Variants in DNAJC1 observed in about 807,000 individuals in gnomAD.
DNAJC1 encodes the protein DnaJ heat shock protein family (Hsp40) member C1.
DNAJC1 carries 58 observed loss-of-function variants against 76.6 expected under a neutral mutation model. That is an observed-to-expected ratio of 0.76 (90% CI 0.61 to 0.94). DNAJC1 has a LOEUF of 0.94. DNAJC1 is among the 40% of genes least tolerant of loss of function. The pLI, the probability that DNAJC1 is intolerant of heterozygous loss-of-function variation, is 0.00. For synonymous variants in DNAJC1, 258 were observed against 267.9 expected, an observed-to-expected ratio of 0.96 and a Z score of 0.36; for missense variants, 689 against 677.3, an observed-to-expected ratio of 1.02 and a Z score of -0.19.
intron 8 of DNAJC1, among the ~76,000 whole-genome samples, chr10:21,874,107 T>C (rs1836147119): frequency 1.3e-5 from 2 of 152,256 alleles, no homozygotes; most frequent in Admixed American, 1.3e-4. Context: ...ATTCATACAA[T>C]ATTATTCAGC....
intron 8 of DNAJC1, among the ~76,000 whole-genome samples, chr10:21,827,326 T>C (rs777592944): frequency 1.1e-4 from 17 of 152,210 alleles, no homozygotes; most frequent in Non-Finnish European, 1.8e-4. Flanking sequence ...TTTACCCATA[T>C]TGATACATAT....
chr10:21,815,009 G>C (rs1289602092), intron 8 of DNAJC1, among the ~76,000 whole-genome samples: 1 of 152,188 alleles, frequency 6.6e-6, no homozygotes, highest in Non-Finnish European at 1.5e-5. Context: ...GCTAGCTTGA[G>C]TCAGGCAGAG....
At chr10:21,844,651 C>T (rs750148598) in intron 8 of DNAJC1, among the ~76,000 whole-genome samples, 3 of 152,092 alleles carry the variant, frequency 2.0e-5, no homozygotes, top group Non-Finnish European at 2.9e-5. Context: ...TTTACTAATA[C>T]ATCCACAATA....
intron 8 of DNAJC1, 118 bp from the exon 9 acceptor site, chr10:21,806,217 C>T (rs1414266314): frequency 1.1e-5 from 13 of 1,131,342 alleles, no homozygotes; most frequent in Non-Finnish European, 1.6e-5. Context: ...TGGCAATATG[C>T]TTTCTGTAAA....
intron 1 of DNAJC1, among the ~76,000 whole-genome samples, chr10:21,944,531 T>C (rs1837472707): frequency 6.6e-6 from 1 of 152,168 alleles, no homozygotes; most frequent in Non-Finnish European, 1.5e-5. Context: ...GGTAGTTTCC[T>C]GGTCCCAGTG....
intron 8 of DNAJC1, among the ~76,000 whole-genome samples, chr10:21,874,881 G>GT (rs1403642075): frequency 1.3e-5 from 2 of 151,970 alleles, no homozygotes; most frequent in Admixed American, 6.6e-5. Flanking sequence ...TTTTGTTTTT[G>GT]TTTTTTTGTG....
At chr10:21,950,592 G>A (rs966744028) in intron 1 of DNAJC1, among the ~76,000 whole-genome samples, 1 of 152,140 alleles carries the variant, frequency 6.6e-6, no homozygotes, top group South Asian at 2.1e-4. Flanking sequence ...AAATGATTAA[G>A]TTTAGTGAGG....
At chr10:21,757,213 A>C (rs1427982753) in intron 11 of DNAJC1, among the ~76,000 whole-genome samples, 1 of 152,170 alleles carries the variant, frequency 6.6e-6, no homozygotes, top group Non-Finnish European at 1.5e-5. Context: ...GGACACTGGC[A>C]GAACTTGTGC....
intron 1 of DNAJC1, among the ~76,000 whole-genome samples, chr10:21,935,401 G>T (rs1837295442): frequency 6.6e-6 from 1 of 151,790 alleles, no homozygotes; most frequent in Non-Finnish European, 1.5e-5. Context: ...AACAATCAAT[G>T]AACACTTAGA....
chr10:21,949,411 CTT>C (rs1201250094), intron 1 of DNAJC1, among the ~76,000 whole-genome samples: 10 of 70,174 alleles, frequency 1.4e-4, no homozygotes, highest in African/African-American at 2.7e-4. Context: ...CCCCCTTCTT[CTT>C]TTTTTTTTTT....
In DNAJC1 at chr10:21,756,749, A is replaced by G; in HGVS notation, c.1603T>C (p.Cys535Arg). The change falls in exon 12 of 12, where the codon TGT becomes CGT. Residue 535 changes from cysteine to arginine, a missense_variant. Cys to Arg is a radical substitution (Grantham distance 180, BLOSUM62 -3). Transcript: ENST00000376980. Reference protein sequence around the residue: ...RCVPSKSKEDCIARYKLLVEL... With the variant: ...RCVPSKSKEDRIARYKLLVEL... ...ACCAGCAACTTGTACCTAGCGATAC[A>G]GTCTTCCTGTAGGAAGAAAAAAAGA... 1 of 1,613,340 alleles carries G rather than the reference A, an allele frequency of 6.2e-7. No homozygotes were observed. Among genetic ancestry groups the G allele is most frequent in the Non-Finnish European group, 8.5e-7 (1 of 1,179,966 alleles).
At chr10:21,803,589 CTGTGTGTGTGTGTGTG>C (rs113615504) in intron 9 of DNAJC1, among the ~76,000 whole-genome samples, 1 of 140,654 alleles carries the variant, frequency 7.1e-6, no homozygotes, top group Admixed American at 7.2e-5. Context: ...GAGTGATTTT[CTGTGTGTGTGTGTGTG>C]TGTGTGTGTG....
chr10:21,959,386 C>G (rs1374262528), intron 1 of DNAJC1, among the ~76,000 whole-genome samples: 1 of 151,988 alleles, frequency 6.6e-6, no homozygotes, highest in Non-Finnish European at 1.5e-5. Flanking sequence ...CCTCAGCCTC[C>G]CAAAGTGCTA....
intron 9 of DNAJC1, 35 bp downstream of exon 9, chr10:21,805,945 C>A (rs1308945063): frequency 6.2e-7 from 1 of 1,609,166 alleles, no homozygotes; most frequent in Admixed American, 1.7e-5. Flanking sequence ...GTTCTGGTTT[C>A]TCTCTCTATA....
chr10:21,867,809 C>T (rs546861180), intron 8 of DNAJC1, among the ~76,000 whole-genome samples: 6 of 152,040 alleles, frequency 3.9e-5, no homozygotes, highest in East Asian at 3.9e-4. Context: ...CCGTAGCTCA[C>T]GTTTGTAATC....
intron 1 of DNAJC1, among the ~76,000 whole-genome samples, chr10:21,960,563 T>C (rs1309264785): frequency 6.6e-6 from 1 of 151,966 alleles, no homozygotes; most frequent in Non-Finnish European, 1.5e-5. Flanking sequence ...AAATTACAGA[T>C]ATTAGCCAAG....
chr10:21,799,243 G>A (rs921816530), intron 9 of DNAJC1, among the ~76,000 whole-genome samples: 3 of 151,952 alleles, frequency 2.0e-5, no homozygotes, highest in Admixed American at 6.5e-5. Flanking sequence ...GTCTTTTTAC[G>A]TGTGGTTTCC....
chr10:21,757,886 G>A (rs1354599344), intron 11 of DNAJC1, among the ~76,000 whole-genome samples: 1 of 152,170 alleles, frequency 6.6e-6, no homozygotes, highest in Non-Finnish European at 1.5e-5. Context: ...AGCCCCCCAG[G>A]TATGAGTTTC....
chr10:21,941,400 C>G (rs1837409562), intron 1 of DNAJC1, among the ~76,000 whole-genome samples: 1 of 150,862 alleles, frequency 6.6e-6, no homozygotes, highest in Non-Finnish European at 1.5e-5. Flanking sequence ...TGAATAAAGA[C>G]TGCTACTAGA....
Sources: gnomAD v4.1 joint callset for allele counts (sites outside exome capture counted in the v4.1 genomes callset) on GRCh38, gnomAD v4.1.1 for gene constraint, MANE v1.5 for transcripts, NCBI Gene and HGNC (gene_info 2026-07-23, HGNC 2026-07-21) for gene names.